Variants in MACF1 observed in about 807,000 individuals in gnomAD.
MACF1 encodes the protein microtubule-actin cross-linking factor 1.
A neutral mutation model predicts 854.8 loss-of-function variants in MACF1; 193 were observed. The observed-to-expected ratio is 0.23, with a 90% confidence interval of 0.20 to 0.25. The LOEUF (loss-of-function observed/expected upper bound fraction) is 0.25. Ranked by LOEUF, MACF1 falls within the 10% of genes least tolerant of loss-of-function variation. MACF1 has a pLI of 1.00. For missense variants in MACF1, 7,722 were observed against 8,929.1 expected (o/e 0.86, Z 5.45); for synonymous variants, 3,185 against 3,226.7 (o/e 0.99, Z 0.44).
chr1:39,410,358 C>T (rs1278705827), intron 58 of MACF1: 1 of 1,613,950 alleles, frequency 6.2e-7, no homozygotes, highest in Admixed American at 1.7e-5. Flanking sequence ...TAGAGGACTG[C>T]TATGTTCCAC....
At chr1:39,453,917 T>A in intron 88 of MACF1, 67 bp downstream of exon 88, 7 of 1,497,094 alleles carry the variant, frequency 4.7e-6, no homozygotes, top group Non-Finnish European at 6.4e-6. Flanking sequence ...TAGTATAGTA[T>A]TTTTCCCCCA....
Position 39,350,826 on chromosome 1 carries a change from C to T in MACF1, c.11007C>T (p.Ala3669=). ...DDIQNRATSF[A]TVVKDIEGFM... ...TTCAGAATCGTGCCACCTCATTTGC[C>T]ACTGTTGTCAAGGACATTGAGGGGT... Residue 3669 remains alanine, a synonymous_variant, in exon 43 of 101, where the codon GCC becomes GCT. Coordinates refer to ENST00000564288, the MANE Select transcript of MACF1 (RefSeq NM_001394062.1). 1 of 1,613,954 alleles carries T rather than the reference C, an allele frequency of 6.2e-7. No individual in the cohort carries two copies.
chr1:39,347,370 A>C (rs1647076924), intron 41 of MACF1, among the ~76,000 whole-genome samples, 160 bp downstream of exon 41: 1 of 152,212 alleles, frequency 6.6e-6, no homozygotes, highest in Non-Finnish European at 1.5e-5. Context: ...TCCAGGAGGC[A>C]CTTGTTCTGG....
At chr1:39,406,929 GA>G (rs1295265237) in intron 58 of MACF1, among the ~76,000 whole-genome samples, 4 of 152,066 alleles carry the variant, frequency 2.6e-5, no homozygotes, top group African/African-American at 9.7e-5. Flanking sequence ...TTCCTTCCCT[GA>G]GTTTTTCCAG....
chr1:39,212,553 A>C (rs756466148), intron 1 of MACF1, among the ~76,000 whole-genome samples: 3 of 152,200 alleles, frequency 2.0e-5, no homozygotes, highest in Non-Finnish European at 4.4e-5. Flanking sequence ...CTGTGAATTC[A>C]GTATTTCTAG....
intron 6 of MACF1, among the ~76,000 whole-genome samples, chr1:39,262,381 A>G (rs1482502235): frequency 1.5e-5 from 2 of 132,488 alleles, no homozygotes; most frequent in African/African-American, 5.7e-5. Flanking sequence ...AGCCTGGGCT[A>G]CACGAGACTC....
intron 49 of MACF1, among the ~76,000 whole-genome samples, chr1:39,362,731 AG>A (rs1302283774): frequency 6.6e-6 from 1 of 152,144 alleles, no homozygotes; most frequent in African/African-American, 2.4e-5. Flanking sequence ...TCCCACTTTT[AG>A]TGGGGAATGA....
chr1:39,369,543 A>G (rs1163161074), intron 50 of MACF1, among the ~76,000 whole-genome samples: 1 of 152,230 alleles, frequency 6.6e-6, no homozygotes, highest in African/African-American at 2.4e-5. Context: ...GGCCATTTCC[A>G]AAACTTTCCT....
intron 78 of MACF1, 35 bp downstream of exon 78, chr1:39,442,946 A>G: frequency 1.3e-6 from 2 of 1,587,860 alleles, no homozygotes; most frequent in Non-Finnish European, 1.7e-6. Flanking sequence ...AGGAAGAGCT[A>G]TACAGATAAC....
chr1:39,297,472 T>C (rs1040640977), intron 20 of MACF1, 148 bp from the exon 21 acceptor site: 2 of 959,702 alleles, frequency 2.1e-6, no homozygotes, highest in East Asian at 2.5e-5. Flanking sequence ...GGTTTATGTT[T>C]CAGTGGTCCT....
At chr1:39,391,789 T>C (rs952548283) in intron 58 of MACF1, among the ~76,000 whole-genome samples, 1 of 152,230 alleles carries the variant, frequency 6.6e-6, no homozygotes, top group Non-Finnish European at 1.5e-5. Context: ...CTAATAGTGC[T>C]CAGAGTTCAA....
chr1:39,406,741 A>C (rs1279849527), intron 58 of MACF1, among the ~76,000 whole-genome samples: 1 of 146,208 alleles, frequency 6.8e-6, no homozygotes, highest in East Asian at 1.9e-4. Context: ...TCTCACTCAA[A>C]AAAAAAAAAA....
At chr1:39,219,566 G>C (rs1241221274) in intron 1 of MACF1, among the ~76,000 whole-genome samples, 1 of 152,140 alleles carries the variant, frequency 6.6e-6, no homozygotes, top group Non-Finnish European at 1.5e-5. Flanking sequence ...TATAATGTTT[G>C]TGCCATTATA....
intron 52 of MACF1, among the ~76,000 whole-genome samples, chr1:39,376,003 T>G (rs1467314232): frequency 6.6e-6 from 1 of 152,222 alleles, no homozygotes; most frequent in East Asian, 1.9e-4. Flanking sequence ...GATGTTTTTC[T>G]TTGTATAGTA....
intron 2 of MACF1, among the ~76,000 whole-genome samples, chr1:39,236,907 G>A (rs1644865504): frequency 1.3e-5 from 2 of 152,044 alleles, no homozygotes; most frequent in Admixed American, 6.6e-5. Flanking sequence ...TGCCTGCCTC[G>A]GCCTTCCAAA....
intron 96 of MACF1, 74 bp downstream of exon 96, chr1:39,468,806 C>T (rs143882770): frequency 1.5e-6 from 2 of 1,303,178 alleles, no homozygotes; most frequent in Admixed American, 1.7e-5. Flanking sequence ...TTACAGGAAG[C>T]ATTGATGGTG....
chr1:39,373,866 A>C (rs1268338579), intron 52 of MACF1, among the ~76,000 whole-genome samples: 3 of 151,588 alleles, frequency 2.0e-5, no homozygotes, highest in East Asian at 2.0e-4. Context: ...AAAAAAAAAA[A>C]ATCAGTACTT....
chr1:39,199,479 T>C lies in MACF1; in HGVS notation c.221-31703T>C, dbSNP rs557509158. Among the ~76,000 whole-genome samples, 7 of 152,046 alleles carry C rather than the reference T, an allele frequency of 4.6e-5. No homozygotes were observed. In the South Asian group the frequency reaches 1.5e-3, roughly 32 times the overall value. ...CTGTAACATAGTAAGATCCTGTCTC[T>C]ACAGAAAAAAAGACAGAAAAAGCTC... On this transcript the variant is annotated intron_variant, in intron 2 of 93. Transcript: ENST00000361689.
intron 2 of MACF1, among the ~76,000 whole-genome samples, chr1:39,101,436 C>T (rs976783641): frequency 6.6e-6 from 1 of 151,188 alleles, no homozygotes; most frequent in Non-Finnish European, 1.5e-5. Context: ...GCCATGTTGC[C>T]CAGGCTGGTC....
Sources: allele counts gnomAD v4.1 joint callset (sites outside exome capture counted in the v4.1 genomes callset), GRCh38; gene constraint gnomAD v4.1.1; transcripts MANE v1.5; gene names NCBI Gene and HGNC (gene_info 2026-07-23, HGNC 2026-07-21).